Variants in TMEM132D observed in about 807,000 individuals in gnomAD.
TMEM132D encodes the protein mature OL transmembrane protein.
A neutral mutation model predicts 62.3 loss-of-function variants in TMEM132D; 21 were observed. The observed-to-expected ratio is 0.34, with a 90% CI of 0.24 to 0.49. TMEM132D has a LOEUF of 0.49. TMEM132D is among the 20% of genes least tolerant of loss of function. TMEM132D has a pLI of 0.99. For missense variants in TMEM132D, 1,346 were observed against 1,402.8 expected, an observed-to-expected ratio of 0.96 and a Z score of 0.65; for synonymous variants, 621 against 575.6, an observed-to-expected ratio of 1.08 and a Z score of -1.13.
intron 2 of TMEM132D, among the ~76,000 whole-genome samples, chr12:129,602,517 G>C (rs1281927675): frequency 6.6e-6 from 1 of 152,120 alleles, no homozygotes; most frequent in Admixed American, 6.5e-5. Flanking sequence ...AAGATGAACT[G>C]AAGATAGTAG....
chr12:129,835,542 C>T (rs1391375838), intron 1 of TMEM132D, among the ~76,000 whole-genome samples: 3 of 152,074 alleles, frequency 2.0e-5, no homozygotes, highest in East Asian at 1.9e-4. Context: ...CCACCTGCCT[C>T]GGACTCCCAA....
chr12:129,094,698 T>C (rs1163501081), intron 5 of TMEM132D, among the ~76,000 whole-genome samples: 2 of 152,164 alleles, frequency 1.3e-5, no homozygotes, highest in African/African-American at 2.4e-5. Flanking sequence ...ACCCAAAGGA[T>C]TATAAATCAT....
At chr12:129,319,391 G>A (rs1364480284) in intron 4 of TMEM132D, among the ~76,000 whole-genome samples, 1 of 152,210 alleles carries the variant, frequency 6.6e-6, no homozygotes, top group Non-Finnish European at 1.5e-5. Flanking sequence ...GTGGGGGTGT[G>A]TGTTTGGGAG....
intron 5 of TMEM132D, among the ~76,000 whole-genome samples, chr12:129,155,998 T>G (rs1366985615): frequency 1.3e-5 from 2 of 151,316 alleles, no homozygotes; most frequent in Non-Finnish European, 2.9e-5. Context: ...AGTAGCCCAC[T>G]CCTGTGATAA....
At chr12:129,746,119 A>C (rs1869768716) in intron 1 of TMEM132D, among the ~76,000 whole-genome samples, 1 of 152,224 alleles carries the variant, frequency 6.6e-6, no homozygotes, top group African/African-American at 2.4e-5. Flanking sequence ...TAGAGAAGCA[A>C]CACTTACAAA....
intron 1 of TMEM132D, among the ~76,000 whole-genome samples, chr12:129,767,360 A>G (rs1173302156): frequency 6.6e-6 from 1 of 151,702 alleles, no homozygotes; most frequent in African/African-American, 2.4e-5. Flanking sequence ...CCCAGTTAAG[A>G]ACTAAGATGG....
intron 3 of TMEM132D, among the ~76,000 whole-genome samples, chr12:129,369,462 C>G (rs1870528283): frequency 6.6e-6 from 1 of 152,126 alleles, no homozygotes; most frequent in Non-Finnish European, 1.5e-5. Context: ...AATCATGGCA[C>G]TCATCCTATG....
At chr12:129,484,680 G>A (rs1432488109) in intron 3 of TMEM132D, among the ~76,000 whole-genome samples, 1 of 152,116 alleles carries the variant, frequency 6.6e-6, no homozygotes, top group Non-Finnish European at 1.5e-5. Flanking sequence ...TTCAGTTTCT[G>A]GAAAAGTTAG....
At chr12:129,812,546 A>C (rs1872218437) in intron 1 of TMEM132D, among the ~76,000 whole-genome samples, 1 of 151,730 alleles carries the variant, frequency 6.6e-6, no homozygotes, top group Admixed American at 6.6e-5. Flanking sequence ...AAAACTTTCC[A>C]ATCTGGCTCT....
chr12:129,503,379 G>T (rs954285699), intron 3 of TMEM132D, among the ~76,000 whole-genome samples: 1 of 152,138 alleles, frequency 6.6e-6, no homozygotes, highest in African/African-American at 2.4e-5. Context: ...CAAGGTGCTT[G>T]TATCTTTGTT....
chr12:129,214,353 C>A (rs377339942), intron 4 of TMEM132D, among the ~76,000 whole-genome samples: 1 of 152,110 alleles, frequency 6.6e-6, no homozygotes, highest in Non-Finnish European at 1.5e-5. Context: ...GTCATTTATT[C>A]ATGTTGACCT....
chr12:129,532,768 A>G (rs10847896), intron 2 of TMEM132D, among the ~76,000 whole-genome samples: 33,517 of 152,112 alleles, frequency 0.22, 3,844 homozygotes, highest in Non-Finnish European at 0.25. Flanking sequence ...CCCATGAGCA[A>G]TCCCCAGTGA....
intron 2 of TMEM132D, among the ~76,000 whole-genome samples, chr12:129,598,087 A>T (rs1878387075): frequency 6.6e-6 from 1 of 152,256 alleles, no homozygotes; most frequent in Admixed American, 6.5e-5. Flanking sequence ...AAGGAATTCA[A>T]CTACAAATAT....
At chr12:129,593,594 C>G (rs893049754) in intron 2 of TMEM132D, among the ~76,000 whole-genome samples, 6 of 152,140 alleles carry the variant, frequency 3.9e-5, no homozygotes, top group African/African-American at 1.4e-4. Flanking sequence ...TGATGACAAA[C>G]CCTGAAATAT....
intron 5 of TMEM132D, among the ~76,000 whole-genome samples, chr12:129,096,684 C>T (rs763965913): frequency 5.3e-5 from 8 of 152,162 alleles, no homozygotes; most frequent in African/African-American, 7.2e-5. Context: ...TCTCTTTCCC[C>T]GTCAGCCACA....
At chr12:129,410,877 C>G (rs1393854180) in intron 3 of TMEM132D, among the ~76,000 whole-genome samples, 4 of 152,146 alleles carry the variant, frequency 2.6e-5, no homozygotes, top group Admixed American at 2.6e-4. Context: ...ACTTCTAATT[C>G]AAGGACATGA....
chr12:129,581,573 C>G (rs1028065785), intron 2 of TMEM132D, among the ~76,000 whole-genome samples: 1 of 152,192 alleles, frequency 6.6e-6, no homozygotes, highest in African/African-American at 2.4e-5. Context: ...GAAGAACATG[C>G]AGCCTGATGT....
intron 3 of TMEM132D, among the ~76,000 whole-genome samples, chr12:129,402,370 T>C (rs531500528): frequency 2.6e-5 from 4 of 152,308 alleles, no homozygotes; most frequent in East Asian, 1.9e-4. Context: ...AGTAGGAAGA[T>C]TGGCTGTAAT....
chr12:129,131,752 A>C (rs1336101958), intron 5 of TMEM132D, among the ~76,000 whole-genome samples: 1 of 152,210 alleles, frequency 6.6e-6, no homozygotes, highest in Non-Finnish European at 1.5e-5. Flanking sequence ...GTCACACTTA[A>C]ATACCATCAC....
Sources: gnomAD v4.1 joint callset for allele counts (sites outside exome capture counted in the v4.1 genomes callset) on GRCh38, gnomAD v4.1.1 for gene constraint, MANE v1.5 for transcripts, NCBI Gene and HGNC (gene_info 2026-07-23, HGNC 2026-07-21) for gene names.